L3MBTL4: variants seen among roughly 807,000 people sequenced by gnomAD.
The protein encoded by L3MBTL4 is lethal(3)malignant brain tumor-like protein 4.
A neutral mutation model predicts 84.5 loss-of-function variants in L3MBTL4; 70 were observed. The observed-to-expected ratio is 0.83, with a 90% CI of 0.68 to 1.01. L3MBTL4 has a LOEUF of 1.01. Among genes scored for constraint, L3MBTL4 ranks in the 50% least tolerant of loss-of-function variants. The probability of loss-of-function intolerance (pLI) is 0.00; values close to 1 mark genes in which losing one functional copy is unlikely to be tolerated. For missense variants in L3MBTL4, 715 were observed against 754.8 expected, an observed-to-expected ratio of 0.95 and a Z score of 0.62; for synonymous variants, 274 against 259.8, an observed-to-expected ratio of 1.05 and a Z score of -0.52.
intron 5 of L3MBTL4, among the ~76,000 whole-genome samples, chr18:6,246,364 T>C (rs1241336336): frequency 1.3e-5 from 2 of 152,236 alleles, no homozygotes; most frequent in Non-Finnish European, 2.9e-5. Context: ...TACTGTAATA[T>C]TTTCACAGCA....
rs28491797 is a variant in L3MBTL4, at chr18:6,383,621, T to C, written c.-91+31180A>G. ...GGCGACGCCCTGCCCTGTTTCGGCT[T>C]GCCCTCTGTGGGCTGCACCCACTGT... On this transcript the variant is annotated intron_variant, in intron 1 of 18. Transcript: ENST00000317931. Among the ~76,000 whole-genome samples the C allele has an allele frequency of 6.8e-3, 1,033 of 152,292 alleles. 14 individuals are homozygous for C. The highest frequency in any genetic ancestry group is 0.024 in the African/African-American group (987 of 41,568).
intron 16 of L3MBTL4, among the ~76,000 whole-genome samples, chr18:6,045,264 A>AATT (rs2056565367): frequency 1.3e-5 from 2 of 152,178 alleles, no homozygotes; most frequent in Admixed American, 6.5e-5. Context: ...TTCAACCAAG[A>AATT]ATTTCGTATC....
chr18:6,313,525 A>G (rs919900663), intron 1 of L3MBTL4, among the ~76,000 whole-genome samples: 9 of 152,250 alleles, frequency 5.9e-5, no homozygotes, highest in Admixed American at 6.5e-5. Flanking sequence ...CATTTTGTAG[A>G]ATGTAAATAC....
chr18:6,305,247 G>A (rs1343471701), intron 3 of L3MBTL4, among the ~76,000 whole-genome samples: 1 of 152,204 alleles, frequency 6.6e-6, no homozygotes, highest in Non-Finnish European at 1.5e-5. Context: ...TTTAGGGCTA[G>A]GTGACCTAAG....
At chr18:6,128,035 G>T (rs1037663122) in intron 14 of L3MBTL4, among the ~76,000 whole-genome samples, 2 of 142,432 alleles carry the variant, frequency 1.4e-5, no homozygotes, top group South Asian at 2.3e-4. Flanking sequence ...ATATTGGGTG[G>T]GGCGGGGGAA....
chr18:6,333,039 T>C (rs544690399), intron 1 of L3MBTL4, among the ~76,000 whole-genome samples: 1 of 152,272 alleles, frequency 6.6e-6, no homozygotes, highest in Admixed American at 6.5e-5. Flanking sequence ...TCTTAAGAGT[T>C]CTTCCAACTA....
At chr18:6,102,967 C>T (rs1391690923) in intron 14 of L3MBTL4, among the ~76,000 whole-genome samples, 1 of 152,174 alleles carries the variant, frequency 6.6e-6, no homozygotes, top group African/African-American at 2.4e-5. Context: ...GTATACTACC[C>T]TTCCTCTAGA....
chr18:6,160,995 A>T (rs1568226068), intron 13 of L3MBTL4, among the ~76,000 whole-genome samples: 1 of 152,222 alleles, frequency 6.6e-6, no homozygotes, highest in Non-Finnish European at 1.5e-5. Flanking sequence ...GTGACTAAAA[A>T]GATTGCCAAA....
At chr18:6,316,905 C>G (rs1024480980) in intron 1 of L3MBTL4, among the ~76,000 whole-genome samples, 3 of 152,070 alleles carry the variant, frequency 2.0e-5, no homozygotes, top group African/African-American at 4.8e-5. Context: ...ATTTAGCCAC[C>G]TGCTTTAGCC....
chr18:6,076,425 G>C (rs1431015893), intron 16 of L3MBTL4, among the ~76,000 whole-genome samples: 1 of 152,190 alleles, frequency 6.6e-6, no homozygotes, highest in Non-Finnish European at 1.5e-5. Context: ...AGCAAAATCA[G>C]AATAGTTACC....
chr18:6,267,150 T>C (rs2048670502), intron 4 of L3MBTL4, among the ~76,000 whole-genome samples: 1 of 152,080 alleles, frequency 6.6e-6, no homozygotes, highest in Non-Finnish European at 1.5e-5. Flanking sequence ...ACATAGCTAA[T>C]AAAGAAAAAC....
rs563978267 is a variant in L3MBTL4 at position 6,157,045 on chromosome 18, T to C, written c.1096+14783A>G. Among the ~76,000 whole-genome samples, 2 of 152,170 alleles carry C rather than the reference T, an allele frequency of 1.3e-5. 1 individual carries two copies. Among genetic ancestry groups the C allele is most frequent in the South Asian group, 4.1e-4 (2 of 4,822 alleles). On this transcript the variant is annotated intron_variant, in intron 13 of 18. Coordinates refer to ENST00000317931, the MANE Select transcript of L3MBTL4 (RefSeq NM_001330559.2). The stretch of plus-strand genomic sequence containing the variant: ...CAAGGAACATTTAAAACAGACAATA[T>C]CATTATGACTGTAAGTACATTTTGA...
At chr18:6,127,699 T>G (rs2059739714) in intron 14 of L3MBTL4, among the ~76,000 whole-genome samples, 1 of 151,714 alleles carries the variant, frequency 6.6e-6, no homozygotes, top group Non-Finnish European at 1.5e-5. Flanking sequence ...GAGCCAAGAG[T>G]CTGCAGATAG....
At chr18:6,288,574 C>T (rs138499889) in intron 4 of L3MBTL4, among the ~76,000 whole-genome samples, 6 of 152,046 alleles carry the variant, frequency 3.9e-5, no homozygotes, top group East Asian at 1.9e-4. Context: ...TTATGCAATT[C>T]GTTGATAAAT....
In L3MBTL4 at chr18:5,969,579, G is replaced by A. The variant is rs2052533061; in HGVS notation, c.1445-17C>T. 1.3e-6 allele frequency: 2 copies of A among 1,576,096 alleles called. No individual in the cohort carries two copies. Among genetic ancestry groups the A allele is most frequent in the Non-Finnish European group, 1.7e-6 (2 of 1,157,840 alleles). The stretch of plus-strand genomic sequence containing the variant: ...CCGAGTATTCTGTAAGAGAGGTGGG[G>A]TGGGGTGAGGCTCAGGCTCCCAGAG... On this transcript the variant is annotated splice_polypyrimidine_tract_variant and intron_variant, in intron 16 of 18. Transcript: ENST00000317931.
At position 6,382,988 on chromosome 18, in the gene L3MBTL4, GT is replaced by G. The variant is rs1401739750; in HGVS notation, c.-91+31812del. On this transcript the variant is annotated intron_variant, in intron 1 of 18. Transcript: ENST00000317931. ...TGTAAGTCCCTGACTGGGGCTTTGC[GT>G]TTTTTTTCAGAGATGCCCTGCCCAG... Among the ~76,000 whole-genome samples, 10 of 151,472 alleles carry G rather than the reference GT, an allele frequency of 6.6e-5. No individual in the cohort carries two copies. In the East Asian group the frequency reaches 1.8e-3, roughly 27 times the overall value.
At chr18:6,268,627 A>G (rs1193555447) in intron 4 of L3MBTL4, among the ~76,000 whole-genome samples, 1 of 152,196 alleles carries the variant, frequency 6.6e-6, no homozygotes, top group Non-Finnish European at 1.5e-5. Context: ...TTTATGGAAT[A>G]TTAGATATTC....
chr18:6,195,421 G>A (rs2145577179), intron 12 of L3MBTL4, among the ~76,000 whole-genome samples: 1 of 152,240 alleles, frequency 6.6e-6, no homozygotes, highest in East Asian at 1.9e-4. Context: ...ACTGCTGAGA[G>A]CTCCCTGATT....
chr18:6,407,278 T>G (rs2055775688), intron 1 of L3MBTL4, among the ~76,000 whole-genome samples: 1 of 152,212 alleles, frequency 6.6e-6, no homozygotes, highest in Non-Finnish European at 1.5e-5. Context: ...GAGTTCTTGG[T>G]CTGTTAACCT....
Sources: allele counts gnomAD v4.1 joint callset (sites outside exome capture counted in the v4.1 genomes callset), GRCh38; gene constraint gnomAD v4.1.1; transcripts MANE v1.5; gene names NCBI Gene and HGNC (gene_info 2026-07-23, HGNC 2026-07-21).